The following MYL5 variants were observed in gnomAD, a reference collection of about 807,000 sequenced individuals.
MYL5 encodes myosin regulatory light chain 5.
A neutral mutation model predicts 20.8 loss-of-function variants in MYL5; 28 were observed. The ratio of observed to expected loss-of-function variants is 1.35; its 90% confidence interval spans 1.00 to 1.84. MYL5 has a LOEUF of 1.84. Among genes scored for constraint, MYL5 ranks in the 40% most tolerant of loss-of-function variants. The probability of loss-of-function intolerance (pLI) is 0.00; values close to 1 mark genes in which losing one functional copy is unlikely to be tolerated. For synonymous variants in MYL5, 118 were observed against 87.4 expected (o/e 1.35, Z -1.95); for missense variants, 274 against 227.3 (o/e 1.21, Z -1.32).
intron 5 of MYL5, chr4:680,874 T>C: frequency 1.5e-6 from 1 of 649,050 alleles, no homozygotes; most frequent in Non-Finnish European, 2.6e-6. Context: ...CGCTGGCCTG[T>C]AACCTCCTTC....
At chr4:675,659 A>G (rs574967574), upstream of MYL5, 9 of 152,544 alleles carry the variant, frequency 5.9e-5, no homozygotes, top group East Asian at 7.7e-4. Flanking sequence ...GGCCAGTCCT[A>G]TAGGGCAGGG....
chr4:682,002 C>G, exon 7 of MYL5: 5 of 1,420,584 alleles, frequency 3.5e-6, no homozygotes, highest in Non-Finnish European at 4.7e-6. Flanking sequence ...TGAGACCCAG[C>G]CGGGTCAATA....
chr4:681,867 A>G, intron 6 of MYL5, 26 bp from the exon 9 acceptor site: 1 of 1,309,308 alleles, frequency 7.6e-7, no homozygotes, highest in Non-Finnish European at 9.8e-7. Context: ...GGAGCCCGCA[A>G]GGAGCCCTTT....
intron 2 of MYL5, 79 bp from the exon 5 acceptor site, chr4:678,879 G>T (rs1739132848): frequency 1.2e-6 from 2 of 1,606,484 alleles, no homozygotes; most frequent in African/African-American, 2.7e-5. Context: ...TCAGTCAGGG[G>T]TGCTGAGGAA....
chr4:679,957 A>G (rs1560154419), exon 4 of MYL5: 2 of 1,613,782 alleles, frequency 1.2e-6, no homozygotes, highest in South Asian at 1.1e-5. Context: ...CCATGCTCAA[A>G]GAGGCCTCGG....
intron 6 of MYL5, chr4:681,679 C>A (rs1488694470): frequency 2.2e-4 from 10 of 45,538 alleles, no homozygotes; most frequent in East Asian, 5.6e-4. Flanking sequence ...CCTCCAGCGC[C>A]GCCCCGCCCC....
intron 3 of MYL5, 187 bp downstream of exon 5, chr4:679,220 A>T (rs1044993830): frequency 3.9e-5 from 28 of 711,384 alleles, no homozygotes; most frequent in Non-Finnish European, 6.8e-5. Context: ...GGCAGAGAGC[A>T]TCCCAGGGTG....
rs1739259199 is a variant in MYL5 at position 679,789 on chromosome 4, G to C, written c.188-125G>C. On this transcript the variant is annotated intron_variant, in intron 3 of 6. Coordinates refer to ENST00000400159, the Ensembl canonical transcript of MYL5. ...CCACTGCCCCACGTGCCTGGGCCAAGCGTCTCCTTCCCGCTCCCTCCCCAC... is the reference window on the plus strand; with the variant it reads ...CCACTGCCCCACGTGCCTGGGCCAACCGTCTCCTTCCCGCTCCCTCCCCAC... 4.0e-5 allele frequency: 29 copies of C among 733,148 alleles called. No individual in the cohort carries two copies. The South Asian group carries it at 4.5e-4, about 11-fold the overall frequency. The allele number at this position is 733,148 out of a possible 1,614,324, so 45.4% of individuals were successfully genotyped here.
At chr4:680,005 G>A (rs1308588993) in exon 4 of MYL5, 2 of 1,612,868 alleles carry the variant, frequency 1.2e-6, no homozygotes, top group Non-Finnish European at 1.7e-6. Flanking sequence ...ACCTGTTTGG[G>A]GAGAAGCTGA....
Position 679,189 on chromosome 4 carries a change from G to C in MYL5, c.187+156G>C, listed in dbSNP as rs752576776. Reference sequence around the variant, plus strand: ...AAGCTGCAAGGTGATGGCCCTGGCCGCCCTTGGTTCCATCAGAGCTGGCAG... The same window carrying C: ...AAGCTGCAAGGTGATGGCCCTGGCCCCCCTTGGTTCCATCAGAGCTGGCAG... On this transcript the variant is annotated intron_variant, in intron 3 of 6. Transcript: ENST00000400159. 3 of 784,634 alleles carry C rather than the reference G, an allele frequency of 3.8e-6. No individual in the cohort carries two copies. The South Asian group carries it at 4.4e-5, about 11-fold the overall frequency. The allele number at this position is 784,634 out of a possible 1,614,324, so 48.6% of individuals were successfully genotyped here. A position where few individuals can be genotyped will look rare whatever the true frequency, so the allele number is the denominator to read the frequency against.
chr4:679,931 G>A (rs969486699), exon 4 of MYL5: 1 of 1,613,778 alleles, frequency 6.2e-7, no homozygotes, highest in Non-Finnish European at 8.5e-7. Flanking sequence ...CAACGTCAAG[G>A]ACGACGAGCT....
chr4:681,013 C>T (rs1486964052), intron 5 of MYL5, 79 bp from the exon 8 acceptor site: 2 of 1,493,418 alleles, frequency 1.3e-6, no homozygotes, highest in Non-Finnish European at 1.8e-6. Flanking sequence ...AACCTGGGGC[C>T]CCTGGAGCAC....
At chr4:681,493 A>AC (rs1428020019) in intron 6 of MYL5, among the ~76,000 whole-genome samples, 3 of 105,938 alleles carry the variant, frequency 2.8e-5, no homozygotes, top group Non-Finnish European at 5.6e-5. Flanking sequence ...ATGCCGGGCC[A>AC]CCCCTCAGGA....
chr4:679,811 C>A, intron 3 of MYL5, 103 bp from the exon 6 acceptor site: 2 of 970,716 alleles, frequency 2.1e-6, no homozygotes, highest in East Asian at 2.5e-5. Context: ...CGCTCCCTCC[C>A]CACCCTTCCC....
At chr4:681,645 G>T (rs1231943759) in intron 6 of MYL5, among the ~76,000 whole-genome samples, 310 of 2,544 alleles carry the variant, frequency 0.12, 26 homozygotes, top group Middle Eastern at 0.5. Context: ...GCGCCGCCCC[G>T]CCCCCTCCAG....
At chr4:677,900 A>G, upstream of MYL5, 1 of 1,519,106 alleles carries the variant, frequency 6.6e-7, no homozygotes, top group Non-Finnish European at 9.1e-7. Flanking sequence ...CCCCTGGGGT[A>G]GCCCCAAGCC....
intron 6 of MYL5, 43 bp from the exon 9 acceptor site, chr4:681,850 C>T (rs768963209): frequency 3.8e-6 from 5 of 1,301,264 alleles, no homozygotes; most frequent in Non-Finnish European, 4.9e-6. Flanking sequence ...GCTTGTAATT[C>T]GCTCCCGGAG....
upstream of MYL5, chr4:676,434 G>A (rs1024234237): frequency 1.8e-4 from 28 of 152,370 alleles, no homozygotes; most frequent in African/African-American, 6.7e-4. Context: ...ATGGAGACTT[G>A]CCTTTGCTCA....
At chr4:681,442 C>G (rs1362373954) in intron 6 of MYL5, among the ~76,000 whole-genome samples, 25 of 150,940 alleles carry the variant, frequency 1.7e-4, no homozygotes, top group African/African-American at 4.9e-4. Flanking sequence ...AGCCGCCCCC[C>G]ACCCCCGACG....
Sources: allele counts gnomAD v4.1 joint callset (sites outside exome capture counted in the v4.1 genomes callset), GRCh38; gene constraint gnomAD v4.1.1; transcripts MANE v1.5; gene names NCBI Gene and HGNC (gene_info 2026-07-23, HGNC 2026-07-21).